The following RAD51B variants were observed in gnomAD, a reference collection of about 807,000 sequenced individuals.
The protein encoded by RAD51B is RAD51 paralog B.
In RAD51B, 38 loss-of-function variants were observed where a neutral mutation model predicts 42.2. The ratio of observed to expected loss-of-function variants is 0.90; its 90% CI spans 0.70 to 1.18. The LOEUF (loss-of-function observed/expected upper bound fraction) is 1.18. Ranked by LOEUF, RAD51B falls within the 50% of genes most tolerant of loss-of-function variation. RAD51B has a pLI of 0.00. For missense variants in RAD51B, 373 were observed against 400.7 expected (o/e 0.93, Z 0.59); for synonymous variants, 154 against 145.2 (o/e 1.06, Z -0.43).
chr14:68,588,625 T>C (rs1377452866), intron 10 of RAD51B, among the ~76,000 whole-genome samples: 1 of 152,160 alleles, frequency 6.6e-6, no homozygotes, highest in Non-Finnish European at 1.5e-5. Flanking sequence ...GAAGAGGAGA[T>C]ACAACATGTA....
At chr14:68,275,347 G>A (rs1338820689) in intron 7 of RAD51B, among the ~76,000 whole-genome samples, 1 of 152,048 alleles carries the variant, frequency 6.6e-6, no homozygotes, top group Non-Finnish European at 1.5e-5. Flanking sequence ...TGAACCTCTA[G>A]TTGAGCTTTG....
chr14:68,433,261 G>A (rs991237790), intron 9 of RAD51B, among the ~76,000 whole-genome samples: 10 of 152,130 alleles, frequency 6.6e-5, no homozygotes, highest in African/African-American at 1.4e-4. Context: ...TCTTTGTGGC[G>A]TTCTCTGTAT....
At chr14:68,151,233 A>G (rs2078372356) in intron 7 of RAD51B, among the ~76,000 whole-genome samples, 1 of 151,506 alleles carries the variant, frequency 6.6e-6, no homozygotes, top group East Asian at 1.9e-4. Flanking sequence ...TTATTGCTTT[A>G]TTGTATTTTG....
At position 68,574,938 on chromosome 14, in the gene RAD51B, G is replaced by A. The variant is rs543570302; in HGVS notation, c.1037-19547G>A. On this transcript the variant is annotated intron_variant, in intron 10 of 10. Coordinates refer to the RAD51B transcript ENST00000487270. ...CCCAGGAGCAAGAGAGGTTGGGGATGAGCAGTCTTCTCATCCAAATCCACT... is the reference window on the plus strand; with the variant it reads ...CCCAGGAGCAAGAGAGGTTGGGGATAAGCAGTCTTCTCATCCAAATCCACT... Among the ~76,000 whole-genome samples, 19 of 152,274 alleles carry A rather than the reference G, an allele frequency of 1.2e-4. 1 individual carries two copies. The highest frequency in any genetic ancestry group is 6.8e-3 in the Middle Eastern group (2 of 294).
chr14:67,834,452 G>A (rs1458162782), intron 3 of RAD51B, among the ~76,000 whole-genome samples: 1 of 152,004 alleles, frequency 6.6e-6, no homozygotes, highest in Non-Finnish European at 1.5e-5. Context: ...CTTCACAAAC[G>A]AACCCAAGTT....
At chr14:67,920,808 C>G (rs1224081182) in intron 7 of RAD51B, among the ~76,000 whole-genome samples, 1 of 151,984 alleles carries the variant, frequency 6.6e-6, no homozygotes, top group Non-Finnish European at 1.5e-5. Flanking sequence ...AAAAAATTGA[C>G]ATATAAACAA....
At chr14:68,032,817 C>A (rs1018547286) in intron 7 of RAD51B, among the ~76,000 whole-genome samples, 1 of 152,104 alleles carries the variant, frequency 6.6e-6, no homozygotes, top group Non-Finnish European at 1.5e-5. Flanking sequence ...TCTTATTTAT[C>A]TCTTCTTTCA....
At chr14:68,540,575 C>T (rs547045091) in intron 10 of RAD51B, 16 of 985,286 alleles carry the variant, frequency 1.6e-5, no homozygotes, top group Admixed American at 1.2e-4. Flanking sequence ...CTGGGCTTAG[C>T]GTGGTTCTAG....
At chr14:67,975,486 T>G (rs1030752918) in intron 7 of RAD51B, among the ~76,000 whole-genome samples, 14 of 152,242 alleles carry the variant, frequency 9.2e-5, no homozygotes, top group Admixed American at 6.5e-4. Flanking sequence ...TTAAACTGGT[T>G]GTTTATACTT....
intron 7 of RAD51B, among the ~76,000 whole-genome samples, chr14:68,115,566 C>T (rs1308495854): frequency 6.8e-6 from 1 of 147,404 alleles, no homozygotes; most frequent in African/African-American, 2.5e-5. Flanking sequence ...AAAAAAGACA[C>T]CACCATTCAG....
intron 10 of RAD51B, among the ~76,000 whole-genome samples, chr14:68,487,516 CTT>C (rs576694966): frequency 1.4e-5 from 2 of 143,798 alleles, no homozygotes. Flanking sequence ...ACTTTTTTTT[CTT>C]TTTTTTTTTG....
At chr14:68,176,042 A>G (rs1467673) in intron 7 of RAD51B, among the ~76,000 whole-genome samples, 120,970 of 152,166 alleles carry the variant, frequency 0.79, 48,575 homozygotes, top group East Asian at 0.98. Flanking sequence ...ATGGCCAGAC[A>G]TGTGCTATAA....
intron 9 of RAD51B, among the ~76,000 whole-genome samples, chr14:68,441,785 CT>C (rs1400395163): frequency 9.9e-5 from 15 of 152,160 alleles, no homozygotes; most frequent in Admixed American, 9.2e-4. Flanking sequence ...ATTTCACTTT[CT>C]GGTTCTATGA....
intron 2 of RAD51B, 54 bp from the exon 3 acceptor site, chr14:67,825,410 C>G: frequency 1.6e-6 from 2 of 1,275,904 alleles, no homozygotes; most frequent in Non-Finnish European, 2.2e-6. Flanking sequence ...CCTTTTAACT[C>G]TAGTATCTTT....
At chr14:68,500,228 T>C (rs1439867586) in intron 10 of RAD51B, among the ~76,000 whole-genome samples, 1 of 152,232 alleles carries the variant, frequency 6.6e-6, no homozygotes, top group Non-Finnish European at 1.5e-5. Context: ...CCACACTCTA[T>C]AGAATGTTTA....
At chr14:68,366,540 A>G (rs985702931) in intron 8 of RAD51B, among the ~76,000 whole-genome samples, 14 of 152,250 alleles carry the variant, frequency 9.2e-5, no homozygotes, top group African/African-American at 2.4e-4. Flanking sequence ...GTGTCCCTGG[A>G]CTAAAGCAGC....
chr14:68,213,660 A>T lies in RAD51B; in HGVS notation c.757-78224A>T, dbSNP rs180707767. Among the ~76,000 whole-genome samples, 18 of 152,316 alleles carry T rather than the reference A, an allele frequency of 1.2e-4. No individual in the cohort carries two copies. In the East Asian group the frequency reaches 2.7e-3, roughly 23 times the overall value. On this transcript the variant is annotated intron_variant, in intron 7 of 10. Coordinates refer to ENST00000471583, the MANE Select transcript of RAD51B (RefSeq NM_133510.4). ...AACTAATAGGAGGGTGCATTATTAGAATATAGCATCATGGATCATGGTGGC... is the reference window on the plus strand; with the variant it reads ...AACTAATAGGAGGGTGCATTATTAGTATATAGCATCATGGATCATGGTGGC...
chr14:68,502,163 C>T (rs1160177084), intron 10 of RAD51B, among the ~76,000 whole-genome samples: 1 of 152,226 alleles, frequency 6.6e-6, no homozygotes, highest in African/African-American at 2.4e-5. Context: ...AAAAGCCTGT[C>T]AATGGAAAGA....
chr14:68,258,159 T>C (rs539917804), intron 7 of RAD51B, among the ~76,000 whole-genome samples: 2 of 152,204 alleles, frequency 1.3e-5, no homozygotes, highest in African/African-American at 4.8e-5. Flanking sequence ...CCCAGCACTT[T>C]GGGAGGCCAA....
Sources: allele counts gnomAD v4.1 joint callset (sites outside exome capture counted in the v4.1 genomes callset), GRCh38; gene constraint gnomAD v4.1.1; transcripts MANE v1.5; gene names NCBI Gene and HGNC (gene_info 2026-07-23, HGNC 2026-07-21).